Variants in BAZ2B observed in about 807,000 individuals in gnomAD.
BAZ2B encodes the protein bromodomain adjacent to zinc finger domain 2B, also known as bromodomain adjacent to zinc finger domain protein 2B.
BAZ2B carries 91 observed loss-of-function variants against 246.0 expected under a neutral mutation model. That is an observed-to-expected ratio of 0.37 (90% CI 0.31 to 0.44). BAZ2B has a LOEUF of 0.44. Ranked by LOEUF, BAZ2B falls within the 20% of genes least tolerant of loss-of-function variation. BAZ2B has a pLI of 1.00. For missense variants in BAZ2B, 2,332 were observed against 2,533.7 expected, an observed-to-expected ratio of 0.92 and a Z score of 1.71; for synonymous variants, 855 against 860.0, an observed-to-expected ratio of 0.99 and a Z score of 0.10.
At chr2:159,373,256 T>A in intron 26 of BAZ2B, 67 bp from the exon 27 acceptor site, 1 of 1,435,080 alleles carries the variant, frequency 7.0e-7, no homozygotes, top group Non-Finnish European at 9.4e-7. Flanking sequence ...AATATATATG[T>A]AACTTTATAC....
chr2:159,397,640 T>G (rs1165977235), intron 18 of BAZ2B, among the ~76,000 whole-genome samples: 1 of 152,198 alleles, frequency 6.6e-6, no homozygotes. Flanking sequence ...AGTAGTCATT[T>G]TAACTTAAAA....
At chr2:159,426,450 C>A in intron 13 of BAZ2B, among the ~76,000 whole-genome samples, 1 of 151,994 alleles carries the variant, frequency 6.6e-6, no homozygotes, top group Non-Finnish European at 1.5e-5. Flanking sequence ...GACTTTAAAA[C>A]TGATATCGTG....
chr2:159,400,081 C>G (rs761026220), intron 17 of BAZ2B, among the ~76,000 whole-genome samples: 1 of 152,086 alleles, frequency 6.6e-6, no homozygotes, highest in Admixed American at 6.5e-5. Flanking sequence ...TGTATTTTTT[C>G]TTTGCTGTCT....
chr2:159,679,557 T>G, the BAZ2B span, among the ~76,000 whole-genome samples: 3 of 152,150 alleles, frequency 2.0e-5, no homozygotes, highest in Non-Finnish European at 4.4e-5. Context: ...TGTAGGTGAT[T>G]TAACATTATA....
chr2:159,624,965 A>G, the BAZ2B span, among the ~76,000 whole-genome samples: 12 of 152,208 alleles, frequency 7.9e-5, no homozygotes, highest in African/African-American at 2.6e-4. Flanking sequence ...TAACTAGAAT[A>G]ACCAGTTTAG....
the BAZ2B span, among the ~76,000 whole-genome samples, chr2:159,640,975 A>C: frequency 6.7e-6 from 1 of 149,688 alleles, no homozygotes; most frequent in Admixed American, 6.8e-5. Context: ...TTTGAAAAAA[A>C]TAAAATTGAC....
At position 159,478,670 on chromosome 2, in the gene BAZ2B, G is replaced by A. The variant is rs1237869281; in HGVS notation, c.50C>T (p.Pro17Leu). The A allele has an allele frequency of 1.2e-6, 2 of 1,609,104 alleles. No homozygotes were observed. The highest frequency in any genetic ancestry group is 1.7e-6 in the Non-Finnish European group (2 of 1,177,258). Residue 17 changes from proline to leucine, a missense_variant, in exon 3 of 37, where the codon CCA becomes CTA. Pro to Leu is a moderately conservative substitution (Grantham distance 98). Around this residue, in one of 9 missense-constraint regions of BAZ2B, gnomAD observed 242 missense variants for 237.4 expected, o/e 1.02. Coordinates refer to ENST00000392783, the MANE Select transcript of BAZ2B (RefSeq NM_013450.4). ...LPSSAASSTTPTSSSTPSVAS... is the reference protein window; with the variant it reads ...LPSSAASSTTLTSSSTPSVAS... ...CACAGAAGGTGTCGAAGATGAAGTT[G>A]GTGTAGTAGAGGAGGCTGCTGAGGA...
the BAZ2B span, among the ~76,000 whole-genome samples, chr2:159,705,168 G>C: frequency 1.2e-3 from 190 of 152,152 alleles, 1 homozygote; most frequent in Non-Finnish European, 2.1e-3. Flanking sequence ...CTACAGGTGT[G>C]TGCCATAACA....
chr2:159,625,946 T>C, the BAZ2B span, among the ~76,000 whole-genome samples: 943 of 150,094 alleles, frequency 6.3e-3, 13 homozygotes, highest in Admixed American at 0.023. Context: ...CATGCAAAGA[T>C]GCACACAGGC....
chr2:159,531,336 T>C (rs2151320657), intron 2 of BAZ2B, among the ~76,000 whole-genome samples: 1 of 152,278 alleles, frequency 6.6e-6, no homozygotes, highest in African/African-American at 2.4e-5. Context: ...TTTCGATCAA[T>C]TTTTTTGATT....
At chr2:159,636,055 T>G in the BAZ2B span, among the ~76,000 whole-genome samples, 1 of 152,032 alleles carries the variant, frequency 6.6e-6, no homozygotes, top group Non-Finnish European at 1.5e-5. Flanking sequence ...AGACTCCATC[T>G]CAAACAAAAC....
At chr2:159,405,529 A>G (rs2065794568) in intron 14 of BAZ2B, among the ~76,000 whole-genome samples, 1 of 152,118 alleles carries the variant, frequency 6.6e-6, no homozygotes, top group Admixed American at 6.5e-5. Context: ...AATATTTAAG[A>G]AAATTGCCTA....
chr2:159,475,722 T>G (rs1397442043), intron 3 of BAZ2B, among the ~76,000 whole-genome samples: 1 of 152,230 alleles, frequency 6.6e-6, no homozygotes, highest in African/African-American at 2.4e-5. Context: ...GTTGTTGACC[T>G]TTGGATGGCG....
intron 26 of BAZ2B, among the ~76,000 whole-genome samples, chr2:159,373,637 C>T (rs961843377): frequency 6.6e-6 from 1 of 152,056 alleles, no homozygotes; most frequent in Non-Finnish European, 1.5e-5. Context: ...TAGAGACCAG[C>T]CTTGGCAACA....
At chr2:159,399,760 A>G (rs2064670988) in intron 17 of BAZ2B, among the ~76,000 whole-genome samples, 1 of 152,192 alleles carries the variant, frequency 6.6e-6, no homozygotes, top group African/African-American at 2.4e-5. Flanking sequence ...CAGGGAATAA[A>G]CTGTTCTATA....
At chr2:159,682,213 T>TTA in the BAZ2B span, among the ~76,000 whole-genome samples, 4 of 149,368 alleles carry the variant, frequency 2.7e-5, no homozygotes, top group South Asian at 4.3e-4. Context: ...TTTTTTTTTT[T>TTA]AGACAGTCTC....
the BAZ2B span, among the ~76,000 whole-genome samples, chr2:159,635,164 T>C: frequency 0.14 from 21,465 of 152,070 alleles, 1,736 homozygotes; most frequent in East Asian, 0.36. Flanking sequence ...TTGCCCTATC[T>C]ACTCAGGAAA....
intron 4 of BAZ2B, among the ~76,000 whole-genome samples, chr2:159,452,753 A>C (rs1215916708): frequency 6.6e-6 from 1 of 152,180 alleles, no homozygotes; most frequent in Non-Finnish European, 1.5e-5. Flanking sequence ...ATTTTGGATA[A>C]TACTGGTCTT....
chr2:159,697,388 TAACA>T, the BAZ2B span, among the ~76,000 whole-genome samples: 3 of 152,122 alleles, frequency 2.0e-5, no homozygotes, highest in East Asian at 3.8e-4. Context: ...ACTCCTACCA[TAACA>T]AACAATTCAT....
Sources: gnomAD v4.1 joint callset for allele counts (sites outside exome capture counted in the v4.1 genomes callset) on GRCh38, gnomAD v4.1.1 for gene constraint, gnomAD v4.1.1 regional missense constraint, MANE v1.5 for transcripts, NCBI Gene and HGNC (gene_info 2026-07-23, HGNC 2026-07-21) for gene names.